THSD7B: variants seen among roughly 807,000 people sequenced by gnomAD.
THSD7B encodes the protein thrombospondin type 1 domain containing 7B, also known as thrombospondin type-1 domain-containing protein 7B.
A neutral mutation model predicts 213.6 loss-of-function variants in THSD7B; 138 were observed. The ratio of observed to expected loss-of-function variants is 0.65; its 90% CI spans 0.56 to 0.74. The LOEUF (loss-of-function observed/expected upper bound fraction) is 0.74, where lower values mean the gene tolerates loss of function less well. Among genes scored for constraint, THSD7B ranks in the 30% least tolerant of loss-of-function variants. The pLI is 0.00. For synonymous variants in THSD7B, 742 were observed against 687.0 expected (o/e 1.08, Z -1.25); for missense variants, 1,931 against 1,991.5 (o/e 0.97, Z 0.58).
At chr2:136,906,804 G>A (rs1345693876) in intron 2 of THSD7B, among the ~76,000 whole-genome samples, 2 of 151,810 alleles carry the variant, frequency 1.3e-5, no homozygotes, top group East Asian at 1.9e-4. Context: ...GGCAATATTA[G>A]TTTAGTTTTA....
chr2:137,124,403 A>C (rs935423201), intron 5 of THSD7B, among the ~76,000 whole-genome samples: 7 of 152,204 alleles, frequency 4.6e-5, no homozygotes, highest in African/African-American at 1.7e-4. Context: ...ACATTTTCAC[A>C]AACCTTGTTC....
At position 137,512,914 on chromosome 2, in the gene THSD7B, A is replaced by G. The variant is rs191034340; in HGVS notation, c.3139-50307A>G. On this transcript the variant is annotated intron_variant, in intron 15 of 27. Coordinates refer to ENST00000409968, the MANE Select transcript of THSD7B (RefSeq NM_001316349.2). ...ATGAATGACTTGCCCAAGGTCATCT[A>G]CTCAGGATTTCAAGTTCAAGCAGAG... Among the ~76,000 whole-genome samples the G allele has an allele frequency of 2.6e-5, 4 of 152,256 alleles. No individual in the cohort carries two copies. The East Asian group carries it at 7.7e-4, about 29-fold the overall frequency.
intron 5 of THSD7B, among the ~76,000 whole-genome samples, chr2:137,144,887 G>A (rs1679663837): frequency 6.6e-6 from 1 of 151,954 alleles, no homozygotes; most frequent in Non-Finnish European, 1.5e-5. Flanking sequence ...TAAGCATCAG[G>A]ACAGGGAATT....
At chr2:137,397,116 C>T (rs1327084160) in intron 12 of THSD7B, among the ~76,000 whole-genome samples, 5 of 150,244 alleles carry the variant, frequency 3.3e-5, no homozygotes, top group Admixed American at 3.3e-4. Flanking sequence ...GACTCTTTAT[C>T]CAGTTTGCCA....
At chr2:137,475,126 A>C (rs1688167507) in intron 15 of THSD7B, among the ~76,000 whole-genome samples, 1 of 152,170 alleles carries the variant, frequency 6.6e-6, no homozygotes, top group Non-Finnish European at 1.5e-5. Context: ...GTCTTTGTTC[A>C]TATGTACTTA....
intron 15 of THSD7B, among the ~76,000 whole-genome samples, chr2:137,556,689 A>G (rs1680976886): frequency 6.6e-6 from 1 of 152,222 alleles, no homozygotes; most frequent in Non-Finnish European, 1.5e-5. Flanking sequence ...TTCAACACAT[A>G]ACAATATTAA....
chr2:137,044,873 C>T (rs1686942988), intron 2 of THSD7B, among the ~76,000 whole-genome samples: 1 of 152,148 alleles, frequency 6.6e-6, no homozygotes, highest in Non-Finnish European at 1.5e-5. Flanking sequence ...GAATCCATGT[C>T]ACTATTCTGT....
chr2:137,196,417 C>G (rs1410527574), intron 7 of THSD7B, among the ~76,000 whole-genome samples: 1 of 114,394 alleles, frequency 8.7e-6, no homozygotes, highest in Non-Finnish European at 1.7e-5. Flanking sequence ...GCTGCCGTTT[C>G]GCAGCTAATC....
intron 1 of THSD7B, among the ~76,000 whole-genome samples, chr2:136,871,710 T>TTC (rs1002580085): frequency 1.3e-5 from 2 of 152,186 alleles, no homozygotes; most frequent in Non-Finnish European, 2.9e-5. Flanking sequence ...GCCGCATAAG[T>TTC]AAGTTCTTAC....
At chr2:137,470,422 G>A (rs1438870373) in intron 15 of THSD7B, among the ~76,000 whole-genome samples, 1 of 152,222 alleles carries the variant, frequency 6.6e-6, no homozygotes, top group African/African-American at 2.4e-5. Flanking sequence ...GAGCTCCTCA[G>A]CTTTCCCGTG....
At chr2:136,899,635 T>C (rs762503729) in intron 2 of THSD7B, among the ~76,000 whole-genome samples, 1 of 152,228 alleles carries the variant, frequency 6.6e-6, no homozygotes, top group Non-Finnish European at 1.5e-5. Context: ...TTACAGTTGT[T>C]GTAAGTGGGG....
intron 12 of THSD7B, among the ~76,000 whole-genome samples, chr2:137,371,419 T>C (rs1327842610): frequency 6.6e-6 from 1 of 152,220 alleles, no homozygotes; most frequent in East Asian, 1.9e-4. Context: ...CCTTCTAAAT[T>C]TCAATGGAGA....
intron 10 of THSD7B, among the ~76,000 whole-genome samples, chr2:137,260,286 G>A (rs1682411186): frequency 6.6e-6 from 1 of 152,060 alleles, no homozygotes; most frequent in Non-Finnish European, 1.5e-5. Context: ...AAGAGTTATT[G>A]TCTTTTAAAT....
rs77448642 is a variant in THSD7B at position 137,494,538 on chromosome 2, G to A, written c.3138+43515G>A. Reference sequence around the variant, plus strand: ...GGATATTTCTGTGTTCCATTTTCCTGTGCTTTGTAAGGATCTATTCCAGCA... The same window carrying A: ...GGATATTTCTGTGTTCCATTTTCCTATGCTTTGTAAGGATCTATTCCAGCA... On this transcript the variant is annotated intron_variant, in intron 15 of 27. Coordinates refer to ENST00000409968, the MANE Select transcript of THSD7B (RefSeq NM_001316349.2). Among the ~76,000 whole-genome samples, 35 of 152,196 alleles carry A rather than the reference G, an allele frequency of 2.3e-4. 1 individual carries two copies. In the East Asian group the frequency reaches 6.4e-3, roughly 28 times the overall value.
intron 10 of THSD7B, among the ~76,000 whole-genome samples, chr2:137,246,697 C>T (rs1267400979): frequency 6.6e-6 from 1 of 151,994 alleles, no homozygotes; most frequent in African/African-American, 2.4e-5. Flanking sequence ...AAGCTTTGGC[C>T]TGTTGTGGCC....
chr2:137,572,929 A>C (rs540095890), intron 17 of THSD7B, among the ~76,000 whole-genome samples: 1 of 152,122 alleles, frequency 6.6e-6, no homozygotes, highest in Non-Finnish European at 1.5e-5. Context: ...AATCAATTAC[A>C]TCTTAGGAGC....
At chr2:137,282,635 T>G (rs1683055397) in intron 12 of THSD7B, among the ~76,000 whole-genome samples, 1 of 152,206 alleles carries the variant, frequency 6.6e-6, no homozygotes, top group Middle Eastern at 3.2e-3. Context: ...CTAGCCAGTT[T>G]TCCCAGCACC....
chr2:137,106,105 G>A (rs181110658), intron 4 of THSD7B, among the ~76,000 whole-genome samples: 28 of 152,044 alleles, frequency 1.8e-4, no homozygotes, highest in African/African-American at 6.0e-4. Context: ...CCAAGCAAAA[G>A]GAACAAAGCT....
chr2:136,902,743 T>C (rs1684084208), intron 2 of THSD7B, among the ~76,000 whole-genome samples: 1 of 152,096 alleles, frequency 6.6e-6, no homozygotes, highest in Non-Finnish European at 1.5e-5. Flanking sequence ...ATGAAGAAAA[T>C]ATTGTGGCAA....
Sources: allele counts gnomAD v4.1 joint callset (sites outside exome capture counted in the v4.1 genomes callset), GRCh38; gene constraint gnomAD v4.1.1; transcripts MANE v1.5; gene names NCBI Gene and HGNC (gene_info 2026-07-23, HGNC 2026-07-21).